TAC1: variants seen among roughly 807,000 people sequenced by gnomAD.
TAC1 encodes the protein protachykinin-1.
Under a neutral mutation model 21.7 loss-of-function variants are expected in TAC1, and 12 were observed. The observed-to-expected ratio is 0.55, with a 90% CI of 0.35 to 0.89. The LOEUF is 0.89. TAC1 is among the 40% of genes least tolerant of loss of function. The probability of loss-of-function intolerance (pLI) is 0.01; values close to 1 mark genes in which losing one functional copy is unlikely to be tolerated. For synonymous variants in TAC1, 52 were observed against 52.0 expected (o/e 1.00, Z 0.00); for missense variants, 128 against 151.4 (o/e 0.85, Z 0.81).
chr7:97,734,293 G>C lies in TAC1; in HGVS notation c.265+1G>C. The C allele has an allele frequency of 6.2e-7, 1 of 1,612,410 alleles. No individual in the cohort carries two copies. Among genetic ancestry groups the C allele is most frequent in the Non-Finnish European group, 8.5e-7 (1 of 1,178,650 alleles). ...GTGGCCCTGTTAAAGGCTCTTTATG[G>C]TAAACATTCCTATAAATCTTTATTT... On this transcript the variant is annotated splice_donor_variant, in intron 4 of 6. Coordinates refer to ENST00000319273, the MANE Select transcript of TAC1 (RefSeq NM_003182.3). LOFTEE classifies it high-confidence loss of function.
At chr7:97,735,459 T>A (rs746734736) in intron 5 of TAC1, among the ~76,000 whole-genome samples, 1 of 152,160 alleles carries the variant, frequency 6.6e-6, no homozygotes, top group Non-Finnish European at 1.5e-5. Context: ...GTGAAGGTCA[T>A]TAAATTTGTT....
chr7:97,734,329 AAAG>A, intron 4 of TAC1, 37 bp downstream of exon 4: 1 of 1,566,752 alleles, frequency 6.4e-7, no homozygotes, highest in Non-Finnish European at 8.8e-7. Flanking sequence ...TACTATTGTG[AAAG>A]CACATGTAGG....
intron 6 of TAC1, among the ~76,000 whole-genome samples, chr7:97,736,938 G>A (rs1410494784): frequency 1.3e-5 from 2 of 152,024 alleles, no homozygotes; most frequent in Non-Finnish European, 1.5e-5. Flanking sequence ...ATATCCTTGA[G>A]TGTTATAAAT....
Position 97,740,199 on chromosome 7 carries a change from A to C in TAC1, c.*279A>C. 4.3e-6 allele frequency: 1 copy of C among 230,926 alleles called. No individual in the cohort carries two copies. 14.3% of individuals were successfully genotyped at this position (230,926 alleles called of 1,614,324 possible). A position where few individuals can be genotyped will look rare whatever the true frequency, so the allele number is the denominator to read the frequency against. On this transcript the variant is annotated 3_prime_UTR_variant, in exon 7 of 7. Coordinates refer to ENST00000319273, the MANE Select transcript of TAC1 (RefSeq NM_003182.3). ...AAACCTGTCAATGATACAGTCCCTA[A>C]AGAAAAAAAATCATTGCTTTGAAGC... is the stretch of plus-strand genomic sequence containing the variant.
rs904559215 is a variant in TAC1 at position 97,740,201 on chromosome 7, G to GA, written c.*289dup. The GA allele has an allele frequency of 1.3e-4, 29 of 227,912 alleles. No individual in the cohort carries two copies. The highest frequency in any genetic ancestry group is 1.7e-4 in the Admixed American group (3 of 17,472). The allele number at this position is 227,912 out of a possible 1,614,324, so 14.1% of individuals were successfully genotyped here. A position where few individuals can be genotyped will look rare whatever the true frequency, so the allele number is the denominator to read the frequency against. On this transcript the variant is annotated 3_prime_UTR_variant, in exon 7 of 7. Coordinates refer to ENST00000319273, the MANE Select transcript of TAC1 (RefSeq NM_003182.3). ...ACCTGTCAATGATACAGTCCCTAAAGAAAAAAAATCATTGCTTTGAAGCAG... is the reference window on the plus strand; with the variant it reads ...ACCTGTCAATGATACAGTCCCTAAAGAAAAAAAAATCATTGCTTTGAAGCAG...
intron 6 of TAC1, among the ~76,000 whole-genome samples, chr7:97,739,025 T>C (rs560961898): frequency 1.0e-4 from 15 of 150,572 alleles, no homozygotes; most frequent in Middle Eastern, 3.5e-3. Flanking sequence ...TATACAATTT[T>C]GGCATTTTTT....
chr7:97,733,630 GGGGCCGGAGTACAGCGGGGGGAAGGGCT>G, intron 2 of TAC1, 65 bp from the exon 3 acceptor site: 1 of 1,286,242 alleles, frequency 7.8e-7, no homozygotes, highest in Non-Finnish European at 1.1e-6. Flanking sequence ...CCCACGCCTC[GGGGCCGGAGTACAGCGGGGGGAAGGGCT>G]CGGGTTGCTG....
At chr7:97,734,726 A>G (rs1240550097) in intron 4 of TAC1, 100 bp from the exon 5 acceptor site, 4 of 898,308 alleles carry the variant, frequency 4.5e-6, no homozygotes, top group Non-Finnish European at 6.9e-6. Context: ...TAGATAGAAA[A>G]TGTTACATAT....
chr7:97,735,337 C>T (rs533318241), intron 5 of TAC1, among the ~76,000 whole-genome samples: 1 of 152,226 alleles, frequency 6.6e-6, no homozygotes, highest in South Asian at 2.1e-4. Context: ...GTAGAGAATC[C>T]ATACTAAAAA....
rs562688887 is a variant in TAC1, at chr7:97,732,785, G to A, written c.123+50G>A. 6.3e-7 allele frequency: 1 copy of A among 1,588,476 alleles called. No individual in the cohort carries two copies. Among genetic ancestry groups the A allele is most frequent in the Admixed American group, 1.7e-5 (1 of 57,748 alleles). ...CGCACCCTTCTTCCTGGGCTCGGGA[G>A]CTGTCACCTTCCCACGCAACAGCAC... On this transcript the variant is annotated intron_variant, in intron 2 of 6. Coordinates refer to ENST00000319273, the MANE Select transcript of TAC1 (RefSeq NM_003182.3). The surrounding 1 kb of genome is among the most constrained non-coding windows in gnomAD (Gnocchi z 6.2).
chr7:97,738,091 G>C (rs1245368516), intron 6 of TAC1, among the ~76,000 whole-genome samples: 7 of 151,962 alleles, frequency 4.6e-5, no homozygotes, highest in Non-Finnish European at 1.5e-5. Context: ...CTAAATCTTT[G>C]TTCCTCCATT....
chr7:97,732,970 A>AATTTTT lies in TAC1; in HGVS notation c.123+235_123+236insATTTTT. The AATTTTT allele has an allele frequency of 2.0e-6, 1 of 494,142 alleles. No homozygotes were observed. The highest frequency in any genetic ancestry group is 3.1e-5 in the South Asian group (1 of 32,452). 30.6% of individuals were successfully genotyped at this position (494,142 alleles called of 1,614,324 possible). A position where few individuals can be genotyped will look rare whatever the true frequency, so the allele number is the denominator to read the frequency against. ...ACCGTCCGGCCCAGGAACTCCCTGC[A>AATTTTT]GTAGGGATGCCCTCCCGGATGAGCC... On this transcript the variant is annotated intron_variant, in intron 2 of 6. Transcript: ENST00000319273. The surrounding 1 kb of genome is among the most constrained non-coding windows in gnomAD (Gnocchi z 6.2).
In TAC1 at chr7:97,732,519, T is replaced by C; in HGVS notation, c.-9-85T>C. The C allele has an allele frequency of 6.6e-7, 1 of 1,521,568 alleles. No homozygotes were observed. The highest frequency in any genetic ancestry group is 1.2e-5 in the South Asian group (1 of 82,224). The allele number at this position is 1,521,568 out of a possible 1,614,324, so 94.3% of individuals were successfully genotyped here. On this transcript the variant is annotated intron_variant, in intron 1 of 6. Coordinates refer to ENST00000319273, the MANE Select transcript of TAC1 (RefSeq NM_003182.3). This position sits in a 1 kb window ranked among gnomAD's most constrained non-coding sequence, Gnocchi z 6.2. ...GGTTCATCCGTTGTGGGGCAGAAAATTCTGTTGCTTTAACTCTTGGATAAC... is the reference window on the plus strand; with the variant it reads ...GGTTCATCCGTTGTGGGGCAGAAAACTCTGTTGCTTTAACTCTTGGATAAC...
Position 97,732,345 on chromosome 7 carries a change from CAG to C in TAC1, c.-10+153_-10+154del, listed in dbSNP as rs1377299163. The C allele has an allele frequency of 3.7e-5, 11 of 293,602 alleles. No homozygotes were observed. In the South Asian group the frequency reaches 4.5e-4, roughly 12 times the overall value. 18.2% of individuals were successfully genotyped at this position (293,602 alleles called of 1,614,324 possible). On this transcript the variant is annotated intron_variant, in intron 1 of 6. Transcript: ENST00000319273. The surrounding 1 kb of genome is among the most constrained non-coding windows in gnomAD (Gnocchi z 6.2). The stretch of plus-strand genomic sequence containing the variant: ...AACGCCCCTCTTTGTCTTCCACCTG[CAG>C]AGTTTCCTGGTTTGAAGGTGTGGGT...
At chr7:97,733,898 T>G in intron 3 of TAC1, 79 bp downstream of exon 3, 1 of 1,367,566 alleles carries the variant, frequency 7.3e-7, no homozygotes, top group Non-Finnish European at 1.0e-6. Flanking sequence ...CCCCAGGGTC[T>G]CTCGCTCTGA....
intron 6 of TAC1, among the ~76,000 whole-genome samples, chr7:97,739,009 AT>A (rs1789639581): frequency 6.7e-6 from 1 of 149,988 alleles, no homozygotes; most frequent in African/African-American, 2.4e-5. Context: ...ATATAATATA[AT>A]ATAATATACA....
chr7:97,736,177 A>T, intron 5 of TAC1, 122 bp from the exon 6 acceptor site: 4 of 720,320 alleles, frequency 5.6e-6, no homozygotes, highest in South Asian at 2.7e-5. Flanking sequence ...TCTCACCAAA[A>T]CTTGAAGTAG....
intron 5 of TAC1, among the ~76,000 whole-genome samples, chr7:97,735,866 C>A (rs1314216446): frequency 6.6e-6 from 1 of 152,012 alleles, no homozygotes; most frequent in Non-Finnish European, 1.5e-5. Context: ...AGATTATAAT[C>A]ATCAAGGAAA....
At chr7:97,737,779 ATTGTT>A (rs1403252330) in intron 6 of TAC1, among the ~76,000 whole-genome samples, 2 of 152,014 alleles carry the variant, frequency 1.3e-5, no homozygotes, top group Non-Finnish European at 2.9e-5. Flanking sequence ...AAAACTTGTA[ATTGTT>A]TTATTAATAT....
Sources: gnomAD v4.1 joint callset for allele counts (sites outside exome capture counted in the v4.1 genomes callset) on GRCh38, gnomAD v4.1.1 for gene constraint, Gnocchi (gnomAD v3.1) non-coding constraint, MANE v1.5 for transcripts, NCBI Gene and HGNC (gene_info 2026-07-23, HGNC 2026-07-21) for gene names.